Variants in ITPR1 observed in about 807,000 individuals in gnomAD.
ITPR1 encodes the protein inositol 1,4,5-trisphosphate-gated calcium channel ITPR1.
A neutral mutation model predicts 318.4 loss-of-function variants in ITPR1; 96 were observed. The ratio of observed to expected loss-of-function variants is 0.30; its 90% confidence interval spans 0.26 to 0.36. ITPR1 has a LOEUF of 0.36. Among genes scored for constraint, ITPR1 ranks in the 10% least tolerant of loss-of-function variants. ITPR1 has a pLI of 1.00. For missense variants in ITPR1, 2,440 were observed against 3,460.2 expected (o/e 0.71, Z 7.40); for synonymous variants, 1,312 against 1,289.9 (o/e 1.02, Z -0.37).
chr3:4,832,209 T>C (rs778418814), intron 60 of ITPR1, among the ~76,000 whole-genome samples: 1 of 152,078 alleles, frequency 6.6e-6, no homozygotes, highest in Non-Finnish European at 1.5e-5. Flanking sequence ...TTATTAGATA[T>C]TAAGGGAGGC....
At chr3:4,762,398 G>A (rs1465656910) in intron 44 of ITPR1, among the ~76,000 whole-genome samples, 4 of 152,120 alleles carry the variant, frequency 2.6e-5, no homozygotes, top group Non-Finnish European at 4.4e-5. Flanking sequence ...GAGAAGATTC[G>A]AGTTTCAGAG....
At chr3:4,625,666 C>G (rs1317263995) in intron 4 of ITPR1, among the ~76,000 whole-genome samples, 1 of 152,136 alleles carries the variant, frequency 6.6e-6, no homozygotes, top group Non-Finnish European at 1.5e-5. Flanking sequence ...ACACCATTTT[C>G]CTGCCTCAGC....
chr3:4,799,547 T>G (rs1342626080), intron 53 of ITPR1, among the ~76,000 whole-genome samples: 1 of 152,196 alleles, frequency 6.6e-6, no homozygotes, highest in Non-Finnish European at 1.5e-5. Flanking sequence ...TCTGAAGAAG[T>G]GAAGCTCCTT....
At chr3:4,656,073 A>G (rs1425895099) in intron 12 of ITPR1, among the ~76,000 whole-genome samples, 2 of 152,174 alleles carry the variant, frequency 1.3e-5, no homozygotes, top group Non-Finnish European at 2.9e-5. Context: ...AGCACCCTGA[A>G]GACACTTGCT....
At chr3:4,611,561 A>AAAAT (rs372628182) in intron 4 of ITPR1, among the ~76,000 whole-genome samples, 11,677 of 142,494 alleles carry the variant, frequency 0.082, 543 homozygotes, top group Non-Finnish European at 0.1. Flanking sequence ...CTCTCTCTCA[A>AAAAT]AAATAAATAA....
chr3:4,756,508 T>C (rs13077184), intron 44 of ITPR1, among the ~76,000 whole-genome samples: 25,402 of 151,998 alleles, frequency 0.17, 2,276 homozygotes, highest in Middle Eastern at 0.22. Context: ...TAGACCTCAG[T>C]GTCTATTGTT....
chr3:4,588,755 C>T (rs2090135543), intron 4 of ITPR1, among the ~76,000 whole-genome samples: 1 of 152,154 alleles, frequency 6.6e-6, no homozygotes, highest in Non-Finnish European at 1.5e-5. Flanking sequence ...TAATTTGTCT[C>T]CAACTGGCAG....
In ITPR1 at chr3:4,580,142, G is replaced by A. The variant is rs555539528; in HGVS notation, c.164-47621G>A. ...GGAGAATGGCGTGAACCCGGGAGGCGGAGCTTGCAGTGAGCCGAGATCATG... is the reference window on the plus strand; with the variant it reads ...GGAGAATGGCGTGAACCCGGGAGGCAGAGCTTGCAGTGAGCCGAGATCATG... On this transcript the variant is annotated intron_variant, in intron 4 of 61. Transcript: ENST00000649015. Among the ~76,000 whole-genome samples, 12 of 152,110 alleles carry A rather than the reference G, an allele frequency of 7.9e-5. No homozygotes were observed. In the East Asian group the frequency reaches 2.1e-3, roughly 27 times the overall value.
intron 31 of ITPR1, among the ~76,000 whole-genome samples, chr3:4,690,445 A>G (rs2094462924): frequency 6.6e-6 from 1 of 152,232 alleles, no homozygotes; most frequent in South Asian, 2.1e-4. Context: ...GCTAAAATTT[A>G]AAAGACTGAC....
chr3:4,559,421 A>G (rs2086459201), intron 4 of ITPR1, among the ~76,000 whole-genome samples: 1 of 152,196 alleles, frequency 6.6e-6, no homozygotes, highest in African/African-American at 2.4e-5. Context: ...AGACAACTTT[A>G]TATATTTTAA....
chr3:4,846,342 C>T lies in ITPR1; in HGVS notation c.*117C>T. ...TTTATGCTGAATACATTTGTAAATA[C>T]TCAGTTTTATACTGTATGTATATGA... On this transcript the variant is annotated 3_prime_UTR_variant, in exon 62 of 62. Transcript: ENST00000649015. 1 of 660,754 alleles carries T rather than the reference C, an allele frequency of 1.5e-6. No homozygotes were observed. The highest frequency in any genetic ancestry group is 2.6e-6 in the Non-Finnish European group (1 of 378,930). 40.9% of individuals were successfully genotyped at this position (660,754 alleles called of 1,614,324 possible). A position where few individuals can be genotyped will look rare whatever the true frequency, so the allele number is the denominator to read the frequency against.
intron 44 of ITPR1, 119 bp from the exon 45 acceptor site, chr3:4,766,411 C>A: frequency 2.7e-6 from 2 of 754,280 alleles, no homozygotes; most frequent in Admixed American, 5.0e-5. Context: ...TTGATCTAAA[C>A]TTAGATCATG....
Position 4,706,320 on chromosome 3 carries a change from G to T in ITPR1, c.4811G>T (p.Arg1604Ile). Residue 1604 changes from arginine to isoleucine, a missense_variant, in exon 37 of 62, where the codon AGA (arginine) becomes ATA (isoleucine). Transcript: ENST00000649015. Reference sequence around the variant, plus strand: ...AGGGACTCTGTTCTGGCAGCTTCCAGAGACTACCGGAATATCATTGAGAGA... The same window carrying T: ...AGGGACTCTGTTCTGGCAGCTTCCATAGACTACCGGAATATCATTGAGAGA... ...ARRDSVLAASRDYRNIIERLQ... is the reference protein window; with the variant it reads ...ARRDSVLAASIDYRNIIERLQ... 6.2e-7 allele frequency: 1 copy of T among 1,613,586 alleles called. No individual in the cohort carries two copies. The highest frequency in any genetic ancestry group is 8.5e-7 in the Non-Finnish European group (1 of 1,179,572).
chr3:4,499,143 C>T (rs2080830219), intron 2 of ITPR1, among the ~76,000 whole-genome samples: 1 of 152,094 alleles, frequency 6.6e-6, no homozygotes, highest in African/African-American at 2.4e-5. Context: ...CAGCAAGACC[C>T]CATCTCTGTT....
intron 28 of ITPR1, 83 bp downstream of exon 28, chr3:4,683,881 T>A: frequency 8.2e-7 from 1 of 1,217,606 alleles, no homozygotes; most frequent in Non-Finnish European, 1.2e-6. Flanking sequence ...GTTTTAGGTA[T>A]AAATGTGATA....
At chr3:4,637,581 T>G (rs1384548232) in intron 5 of ITPR1, among the ~76,000 whole-genome samples, 1 of 152,218 alleles carries the variant, frequency 6.6e-6, no homozygotes, top group African/African-American at 2.4e-5. Flanking sequence ...CTTGTGTCAC[T>G]GAGAATAGCA....
intron 60 of ITPR1, chr3:4,830,901 T>G (rs1273494059): frequency 2.2e-6 from 1 of 456,148 alleles, no homozygotes; most frequent in Non-Finnish European, 4.4e-6. Flanking sequence ...TATAAAAGAT[T>G]CCACAAAAAT....
intron 55 of ITPR1, among the ~76,000 whole-genome samples, chr3:4,808,816 G>A (rs951454822): frequency 5.9e-5 from 9 of 152,196 alleles, no homozygotes; most frequent in South Asian, 2.1e-4. Context: ...CCAGCAGGCC[G>A]GAAGGTAGGG....
intron 46 of ITPR1, 144 bp from the exon 47 acceptor site, chr3:4,775,098 C>T: frequency 1.5e-6 from 1 of 687,000 alleles, no homozygotes; most frequent in Non-Finnish European, 2.6e-6. Context: ...TGGTGGGGGG[C>T]ATACTGACTC....
Sources: allele counts gnomAD v4.1 joint callset (sites outside exome capture counted in the v4.1 genomes callset), GRCh38; gene constraint gnomAD v4.1.1; transcripts MANE v1.5; gene names NCBI Gene and HGNC (gene_info 2026-07-23, HGNC 2026-07-21).